Variants in PTP4A1 observed in about 807,000 individuals in gnomAD.
The protein encoded by PTP4A1 is protein tyrosine phosphatase type IVA 1.
A neutral mutation model predicts 20.5 loss-of-function variants in PTP4A1; 9 were observed. The ratio of observed to expected loss-of-function variants is 0.44; its 90% CI spans 0.26 to 0.77. PTP4A1 has a LOEUF of 0.77. Among genes scored for constraint, PTP4A1 ranks in the 30% least tolerant of loss-of-function variants. PTP4A1 has a pLI of 0.19. For synonymous variants in PTP4A1, 78 were observed against 67.4 expected (o/e 1.16, Z -0.77); for missense variants, 137 against 218.8 (o/e 0.63, Z 2.36).
In PTP4A1 at chr6:63,580,156, C is replaced by G; in HGVS notation, c.504C>G (p.Asn168Lys). ...LRFKDSNGHR[N>K]NCCIQ ...TCAAAGATTCCAACGGTCATAGAAACAACTGTTGCATTCAATAAAATTGGG... is the reference window on the plus strand; with the variant it reads ...TCAAAGATTCCAACGGTCATAGAAAGAACTGTTGCATTCAATAAAATTGGG... The change falls in exon 6 of 6, where the codon AAC (asparagine) becomes AAG (lysine). Residue 168 changes from asparagine to lysine, a missense_variant. By Grantham distance (94) the Asn-to-Lys change is moderately conservative. Transcript: ENST00000626021. 1 of 1,610,760 alleles carries G rather than the reference C, an allele frequency of 6.2e-7. No individual in the cohort carries two copies. The highest frequency in any genetic ancestry group is 8.5e-7 in the Non-Finnish European group (1 of 1,177,620).
intron 1 of PTP4A1, among the ~76,000 whole-genome samples, chr6:63,527,038 G>A (rs559280763): frequency 1.3e-5 from 2 of 151,928 alleles, no homozygotes; most frequent in African/African-American, 4.8e-5. Context: ...CCTTATATAT[G>A]TATTTCTACC....
chr6:63,578,679 T>C (rs1358045148), intron 3 of PTP4A1, 150 bp downstream of exon 3: 10 of 1,288,162 alleles, frequency 7.8e-6, no homozygotes, highest in Non-Finnish European at 8.2e-6. Flanking sequence ...TCTTAATTTC[T>C]AAATAAAGGT....
chr6:63,531,956 A>G (rs556343989), intron 2 of PTP4A1, among the ~76,000 whole-genome samples: 1 of 151,594 alleles, frequency 6.6e-6, no homozygotes, highest in Admixed American at 6.6e-5. Flanking sequence ...ATCCACCACC[A>G]TGGCTGGTTA....
At chr6:63,522,230 A>C (rs951754302) in intron 1 of PTP4A1, among the ~76,000 whole-genome samples, 2 of 152,216 alleles carry the variant, frequency 1.3e-5, no homozygotes, top group African/African-American at 4.8e-5. Context: ...AAGGGCTACA[A>C]TATATGGCAA....
At chr6:63,532,626 C>CCACT (rs1355577513) in intron 2 of PTP4A1, among the ~76,000 whole-genome samples, 1 of 152,120 alleles carries the variant, frequency 6.6e-6, no homozygotes, top group Non-Finnish European at 1.5e-5. Context: ...ATGTCCTATG[C>CCACT]CACTGTACAG....
chr6:63,542,785 C>A (rs1776034696), intron 2 of PTP4A1, among the ~76,000 whole-genome samples: 1 of 152,106 alleles, frequency 6.6e-6, no homozygotes, highest in African/African-American at 2.4e-5. Flanking sequence ...TTCACAAATC[C>A]TACATCCTTT....
rs1183832706 is a variant in PTP4A1, at chr6:63,581,482, CTTATT to C, written c.*1311_*1315del. On this transcript the variant is annotated 3_prime_UTR_variant, in exon 6 of 6. Transcript: ENST00000626021. ...TTGAGATTGGTTTGCTTAAAATTAA[CTTATT>C]TTGTAGAAGACAAAATGAATTGCAC... 6.6e-6 allele frequency: 1 copy of C among 152,502 alleles called. No homozygotes were observed. Among genetic ancestry groups the C allele is most frequent in the Admixed American group, 6.6e-5 (1 of 15,254 alleles). The allele number at this position is 152,502 out of a possible 1,614,324, so 9.4% of individuals were successfully genotyped here. A position where few individuals can be genotyped will look rare whatever the true frequency, so the allele number is the denominator to read the frequency against.
intron 2 of PTP4A1, among the ~76,000 whole-genome samples, chr6:63,544,129 C>T (rs969244838): frequency 1.3e-5 from 2 of 152,240 alleles, no homozygotes; most frequent in East Asian, 3.9e-4. Context: ...GGAGTAAAGA[C>T]TACCAGACAC....
intron 2 of PTP4A1, among the ~76,000 whole-genome samples, chr6:63,544,480 C>T (rs866401859): frequency 2.0e-5 from 3 of 151,220 alleles, no homozygotes; most frequent in African/African-American, 2.4e-5. Context: ...AGGCAATTAG[C>T]ATCAATACAA....
intron 2 of PTP4A1, among the ~76,000 whole-genome samples, chr6:63,535,275 G>T (rs942770283): frequency 3.2e-4 from 48 of 152,102 alleles, no homozygotes; most frequent in African/African-American, 1.1e-3. Context: ...GACTAGCCTG[G>T]CCAACATGGT....
At chr6:63,573,405 T>G (rs371194004) in intron 1 of PTP4A1, 1 of 152,218 alleles carries the variant, frequency 6.6e-6, no homozygotes, top group Admixed American at 6.5e-5. Context: ...AGCTACACTC[T>G]TGTGCTCGAC....
chr6:63,579,368 TC>T, intron 5 of PTP4A1, 37 bp downstream of exon 5: 1 of 1,490,374 alleles, frequency 6.7e-7, no homozygotes, highest in Non-Finnish European at 9.2e-7. Context: ...GTACTCTCTT[TC>T]ATTTCCTTGT....
At chr6:63,543,088 G>T (rs1209178095) in intron 2 of PTP4A1, among the ~76,000 whole-genome samples, 1 of 152,022 alleles carries the variant, frequency 6.6e-6, no homozygotes. Flanking sequence ...CCTTCTCCTG[G>T]CTGGATTATT....
chr6:63,519,291 A>G (rs1002636743), upstream of PTP4A1, among the ~76,000 whole-genome samples: 1 of 151,988 alleles, frequency 6.6e-6, no homozygotes, highest in Non-Finnish European at 1.5e-5. Context: ...TGGGTGACAA[A>G]GGCGAAACTC....
chr6:63,564,940 C>T (rs569647661), intron 3 of PTP4A1, among the ~76,000 whole-genome samples: 1 of 152,146 alleles, frequency 6.6e-6, no homozygotes, highest in African/African-American at 2.4e-5. Context: ...ATTCAGTGCC[C>T]CAAGGAAATG....
intron 3 of PTP4A1, among the ~76,000 whole-genome samples, chr6:63,566,697 A>G (rs1777204601): frequency 6.6e-6 from 1 of 152,188 alleles, no homozygotes. Context: ...TAGTTGCTGA[A>G]GGTTAAGGTG....
At chr6:63,540,562 A>C (rs1266024198) in intron 2 of PTP4A1, among the ~76,000 whole-genome samples, 1 of 152,144 alleles carries the variant, frequency 6.6e-6, no homozygotes, top group Non-Finnish European at 1.5e-5. Context: ...CGGAGGTTGC[A>C]GTAAGCCAAG....
rs1776458836 is a variant in PTP4A1, at chr6:63,551,874, A to G, written c.-446+1381A>G. Among the ~76,000 whole-genome samples the G allele has an allele frequency of 2.0e-5, 3 of 152,300 alleles. No homozygotes were observed. The Middle Eastern group carries it at 0.01, about 518-fold the overall frequency. On this transcript the variant is annotated intron_variant, in intron 3 of 3. Coordinates refer to the PTP4A1 transcript ENST00000639568. Reference sequence around the variant, plus strand: ...ACGTCCCTACAAAGGACATGAACTCATCATTTTTTATGGCTGCATAGTATT... The same window carrying G: ...ACGTCCCTACAAAGGACATGAACTCGTCATTTTTTATGGCTGCATAGTATT...
chr6:63,518,634 C>T (rs1774816331), upstream of PTP4A1, among the ~76,000 whole-genome samples: 1 of 152,184 alleles, frequency 6.6e-6, no homozygotes, highest in Non-Finnish European at 1.5e-5. Context: ...ACAGCCCAAC[C>T]AGGATTTAAC....
Sources: allele counts gnomAD v4.1 joint callset (sites outside exome capture counted in the v4.1 genomes callset), GRCh38; gene constraint gnomAD v4.1.1; transcripts MANE v1.5; gene names NCBI Gene and HGNC (gene_info 2026-07-23, HGNC 2026-07-21).